Variants in CPNE4 observed in about 807,000 individuals in gnomAD.
CPNE4 encodes the protein copine 4.
CPNE4 carries 25 observed loss-of-function variants against 67.9 expected under a neutral mutation model. The observed-to-expected ratio is 0.37, with a 90% CI of 0.27 to 0.51. The LOEUF is 0.51. CPNE4 is among the 20% of genes least tolerant of loss of function. CPNE4 has a pLI of 0.93. For synonymous variants in CPNE4, 242 were observed against 244.9 expected, an observed-to-expected ratio of 0.99 and a Z score of 0.11; for missense variants, 464 against 690.8, an observed-to-expected ratio of 0.67 and a Z score of 3.68.
At chr3:131,608,495 T>C (rs901759648) in intron 7 of CPNE4, among the ~76,000 whole-genome samples, 28 of 152,232 alleles carry the variant, frequency 1.8e-4, no homozygotes, top group African/African-American at 6.7e-4. Flanking sequence ...GAGCAGCAAG[T>C]GTGTGCTAAA....
At chr3:131,999,780 T>C (rs2073383331) in intron 1 of CPNE4, among the ~76,000 whole-genome samples, 1 of 151,998 alleles carries the variant, frequency 6.6e-6, no homozygotes, top group Non-Finnish European at 1.5e-5. Context: ...TTTTTCATAG[T>C]AAAACTTTGG....
intron 1 of CPNE4, among the ~76,000 whole-genome samples, chr3:132,033,916 G>T (rs1300610217): frequency 6.6e-6 from 1 of 152,112 alleles, no homozygotes; most frequent in East Asian, 1.9e-4. Context: ...CTCCAGTCCC[G>T]TCCCCTGTCC....
upstream of CPNE4, among the ~76,000 whole-genome samples, chr3:132,038,582 A>G (rs961276996): frequency 3.9e-5 from 6 of 152,172 alleles, no homozygotes; most frequent in Non-Finnish European, 1.5e-5. Flanking sequence ...AGATTTTCCT[A>G]TTGCTCTATT....
intron 2 of CPNE4, among the ~76,000 whole-genome samples, chr3:131,807,834 T>C (rs1337649240): frequency 6.6e-6 from 1 of 152,164 alleles, no homozygotes; most frequent in African/African-American, 2.4e-5. Flanking sequence ...ATATTCTCCA[T>C]GATAGCAAGA....
At chr3:131,774,198 T>C (rs985220431) in intron 2 of CPNE4, among the ~76,000 whole-genome samples, 24 of 152,154 alleles carry the variant, frequency 1.6e-4, no homozygotes, top group African/African-American at 4.6e-4. Context: ...AGATGAACCA[T>C]GATTAGTTAA....
intron 2 of CPNE4, among the ~76,000 whole-genome samples, chr3:131,861,909 A>G (rs1457252252): frequency 1.3e-5 from 2 of 152,214 alleles, no homozygotes; most frequent in Non-Finnish European, 2.9e-5. Flanking sequence ...GCTAGTCTAC[A>G]GTTTCCTAGA....
At chr3:131,921,862 G>C (rs1210269665) in intron 1 of CPNE4, among the ~76,000 whole-genome samples, 2 of 152,148 alleles carry the variant, frequency 1.3e-5, no homozygotes, top group South Asian at 2.1e-4. Flanking sequence ...AGATAGACAT[G>C]CTTTGGTCCA....
chr3:131,724,555 T>A (rs1256002415), intron 2 of CPNE4, among the ~76,000 whole-genome samples: 1 of 152,224 alleles, frequency 6.6e-6, no homozygotes, highest in African/African-American at 2.4e-5. Context: ...GTCAGCCAAA[T>A]GGAGGACTTC....
chr3:131,593,963 CT>C (rs1938691953), intron 7 of CPNE4, among the ~76,000 whole-genome samples: 1 of 152,054 alleles, frequency 6.6e-6, no homozygotes, highest in Non-Finnish European at 1.5e-5. Context: ...CGTAATCTGC[CT>C]GCCTCGGACT....
chr3:131,724,649 C>T (rs917316603), intron 2 of CPNE4, among the ~76,000 whole-genome samples: 2 of 152,150 alleles, frequency 1.3e-5, no homozygotes, highest in African/African-American at 4.8e-5. Context: ...TCCTTCTGCA[C>T]AGGGAGCTTT....
chr3:131,543,009 TAAC>T (rs1469391006), intron 14 of CPNE4: 1 of 531,124 alleles, frequency 1.9e-6, no homozygotes, highest in African/African-American at 1.9e-5. Flanking sequence ...TTAATTATAA[TAAC>T]TACCTCACTG....
chr3:131,964,798 C>G (rs2072294919), intron 1 of CPNE4, among the ~76,000 whole-genome samples: 1 of 152,150 alleles, frequency 6.6e-6, no homozygotes, highest in Non-Finnish European at 1.5e-5. Context: ...GGAAAATATA[C>G]TTCAGGATAT....
chr3:131,655,778 C>G (rs1296655285), intron 7 of CPNE4, among the ~76,000 whole-genome samples: 3 of 152,098 alleles, frequency 2.0e-5, no homozygotes, highest in African/African-American at 7.2e-5. Context: ...CTCACCCACC[C>G]CACATCCCTC....
At position 131,535,093 on chromosome 3, in the gene CPNE4, T is replaced by G; in HGVS notation, c.*102A>C. The G allele has an allele frequency of 1.6e-6, 2 of 1,235,586 alleles. No individual in the cohort carries two copies. Among genetic ancestry groups the G allele is most frequent in the South Asian group, 1.7e-5 (1 of 59,696 alleles). 76.5% of individuals were successfully genotyped at this position (1,235,586 alleles called of 1,614,324 possible). On this transcript the variant is annotated 3_prime_UTR_variant, in exon 16 of 16. Coordinates refer to ENST00000429747, the MANE Select transcript of CPNE4 (RefSeq NM_130808.3). ...CCAAAACGTGCTATTTTTAAATGTG[T>G]ATATGTTGTTGGTTTTTTAAAGTAC...
At chr3:132,030,457 T>C (rs1214802775) in intron 1 of CPNE4, among the ~76,000 whole-genome samples, 2 of 152,246 alleles carry the variant, frequency 1.3e-5, no homozygotes, top group African/African-American at 4.8e-5. Context: ...CTGTTGAAAG[T>C]TGCTGATCAC....
chr3:131,942,860 T>C (rs1583487517), intron 1 of CPNE4, among the ~76,000 whole-genome samples: 1 of 152,114 alleles, frequency 6.6e-6, no homozygotes, highest in South Asian at 2.1e-4. Context: ...AAGCAGACAG[T>C]GCAAAAATGG....
At chr3:131,692,710 C>A (rs1360597520) in intron 5 of CPNE4, among the ~76,000 whole-genome samples, 1 of 152,114 alleles carries the variant, frequency 6.6e-6, no homozygotes, top group Non-Finnish European at 1.5e-5. Context: ...AGTTTGCCAA[C>A]CTCTACTTTA....
At chr3:131,771,633 C>T (rs2083168502) in intron 2 of CPNE4, among the ~76,000 whole-genome samples, 1 of 152,098 alleles carries the variant, frequency 6.6e-6, no homozygotes. Context: ...ATACTGGTGC[C>T]ATTCTTCTTG....
chr3:131,615,889 T>TCA (rs1317031280), intron 7 of CPNE4, among the ~76,000 whole-genome samples: 20 of 100,266 alleles, frequency 2.0e-4, no homozygotes, highest in African/African-American at 6.3e-4. Flanking sequence ...CATCTCTCTC[T>TCA]CTCACACACA....
Sources: allele counts gnomAD v4.1 joint callset (sites outside exome capture counted in the v4.1 genomes callset), GRCh38; gene constraint gnomAD v4.1.1; transcripts MANE v1.5; gene names NCBI Gene and HGNC (gene_info 2026-07-23, HGNC 2026-07-21).